SAMD4A: variants seen among roughly 807,000 people sequenced by gnomAD.
SAMD4A encodes the protein sterile alpha motif domain containing 4A.
SAMD4A carries 33 observed loss-of-function variants against 81.3 expected under a neutral mutation model. The ratio of observed to expected loss-of-function variants is 0.41; its 90% CI spans 0.31 to 0.54. The LOEUF is 0.54. Among genes scored for constraint, SAMD4A ranks in the 20% least tolerant of loss-of-function variants. The pLI is 0.37. For synonymous variants in SAMD4A, 389 were observed against 382.1 expected (o/e 1.02, Z -0.21); for missense variants, 854 against 951.1 (o/e 0.90, Z 1.34).
At chr14:54,574,760 A>G (rs747421675) in intron 2 of SAMD4A, among the ~76,000 whole-genome samples, 1 of 152,214 alleles carries the variant, frequency 6.6e-6, no homozygotes, top group African/African-American at 2.4e-5. Context: ...GCGTTGAGCA[A>G]TAACATCTGA....
Position 54,607,496 on chromosome 14 carries a change from C to T in SAMD4A, c.196+39384C>T, listed in dbSNP as rs552992557. Among the ~76,000 whole-genome samples the T allele has an allele frequency of 1.8e-4, 27 of 150,712 alleles. 1 individual carries two copies. In the South Asian group the frequency reaches 5.5e-3, roughly 30 times the overall value. On this transcript the variant is annotated intron_variant, in intron 2 of 12. Transcript: ENST00000554335. ...TTTTAGACGGAGTCTTGCTCTGTCG[C>T]CCAGGCTGGAGTGCAGTGGCACGAT...
At chr14:54,584,965 A>G (rs1316769984) in intron 2 of SAMD4A, among the ~76,000 whole-genome samples, 1 of 152,220 alleles carries the variant, frequency 6.6e-6, no homozygotes, top group Non-Finnish European at 1.5e-5. Context: ...TTAAAAAAGA[A>G]AAAGTTACAT....
At chr14:54,640,336 T>C (rs1291597496) in intron 2 of SAMD4A, among the ~76,000 whole-genome samples, 1 of 152,196 alleles carries the variant, frequency 6.6e-6, no homozygotes, top group Non-Finnish European at 1.5e-5. Flanking sequence ...CTCTAAAATC[T>C]CTTATCTGTG....
At chr14:54,669,242 G>A (rs2035820962) in intron 2 of SAMD4A, among the ~76,000 whole-genome samples, 1 of 152,004 alleles carries the variant, frequency 6.6e-6, no homozygotes, top group Non-Finnish European at 1.5e-5. Context: ...TGGTTCACAT[G>A]CCCCAGCCTG....
intron 2 of SAMD4A, among the ~76,000 whole-genome samples, chr14:54,623,340 A>G (rs1594746056): frequency 6.6e-6 from 1 of 152,082 alleles, no homozygotes; most frequent in East Asian, 1.9e-4. Context: ...TGAACTTTCC[A>G]AATTGTTTTT....
At chr14:54,728,107 G>A (rs2037471869) in intron 3 of SAMD4A, among the ~76,000 whole-genome samples, 1 of 152,186 alleles carries the variant, frequency 6.6e-6, no homozygotes, top group South Asian at 2.1e-4. Context: ...CGAGCTTGCT[G>A]TGTCTCTGGA....
chr14:54,759,341 G>A (rs1025500798), intron 6 of SAMD4A, among the ~76,000 whole-genome samples: 64 of 152,176 alleles, frequency 4.2e-4, no homozygotes, highest in African/African-American at 1.5e-3. Context: ...TCCATCGCAG[G>A]CCTCCTTGCT....
In SAMD4A at chr14:54,724,016, G is replaced by GGAAGGAAGAAGGAAGGAA. The variant is rs778898142; in HGVS notation, c.716-13000_716-12999insAAGGAAGGAAGAAGGAAG. On this transcript the variant is annotated intron_variant, in intron 3 of 12. Coordinates refer to ENST00000554335, the MANE Select transcript of SAMD4A (RefSeq NM_015589.6). ...TGGATGGATGGATGGATGGAAGGAA[G>GGAAGGAAGAAGGAAGGAA]GAAGGAAGGAAGGAAGGAAGGAAGG... Among the ~76,000 whole-genome samples, 22 of 145,766 alleles carry GGAAGGAAGAAGGAAGGAA rather than the reference G, an allele frequency of 1.5e-4. No homozygotes were observed. The East Asian group carries it at 3.0e-3, about 20-fold the overall frequency.
chr14:54,682,922 A>G (rs1412407154), intron 2 of SAMD4A, among the ~76,000 whole-genome samples: 1 of 152,098 alleles, frequency 6.6e-6, no homozygotes, highest in Non-Finnish European at 1.5e-5. Context: ...TGAATAACCA[A>G]CCCTGTGTTC....
chr14:54,646,391 C>T (rs1312223367), intron 2 of SAMD4A, among the ~76,000 whole-genome samples: 1 of 152,228 alleles, frequency 6.6e-6, no homozygotes, highest in Admixed American at 6.5e-5. Context: ...ACCAGAACAT[C>T]TGTAGGAATT....
At position 54,619,513 on chromosome 14, in the gene SAMD4A, C is replaced by T. The variant is rs1024266276; in HGVS notation, c.196+51401C>T. On this transcript the variant is annotated intron_variant, in intron 2 of 12. Coordinates refer to ENST00000554335, the MANE Select transcript of SAMD4A (RefSeq NM_015589.6). ...AATTGGGGAGGGGACTGTGCCTTGG[C>T]TAGGGATAACCTTTTTTGTTTTAAT... Among the ~76,000 whole-genome samples, 3 of 152,262 alleles carry T rather than the reference C, an allele frequency of 2.0e-5. No individual in the cohort carries two copies. The East Asian group carries it at 5.8e-4, about 29-fold the overall frequency.
At chr14:54,623,691 C>A (rs922694658) in intron 2 of SAMD4A, among the ~76,000 whole-genome samples, 1 of 152,034 alleles carries the variant, frequency 6.6e-6, no homozygotes, top group Non-Finnish European at 1.5e-5. Context: ...GATAGGTATC[C>A]ATGTAGAAAT....
At position 54,603,569 on chromosome 14, in the gene SAMD4A, A is replaced by T. The variant is rs77326217; in HGVS notation, c.196+35457A>T. 3.5e-3 allele frequency among the ~76,000 whole-genome samples: 527 copies of T among 152,116 alleles called. 3 individuals carry two copies. The highest frequency in any genetic ancestry group is 0.012 in the African/African-American group (491 of 41,508). The stretch of plus-strand genomic sequence containing the variant: ...GTTAGCCTGTGAAATTGATTTTTTT[A>T]AATGGTTGTACAGGCATTTGGCCTA... On this transcript the variant is annotated intron_variant, in intron 2 of 12. Coordinates refer to ENST00000554335, the MANE Select transcript of SAMD4A (RefSeq NM_015589.6).
chr14:54,610,681 G>C (rs1452878525), intron 2 of SAMD4A, among the ~76,000 whole-genome samples: 1 of 152,176 alleles, frequency 6.6e-6, no homozygotes, highest in Non-Finnish European at 1.5e-5. Context: ...AGTCCGTGCT[G>C]AGTTTTTTAA....
intron 2 of SAMD4A, among the ~76,000 whole-genome samples, chr14:54,684,619 C>T (rs927385): frequency 0.01 from 1,425 of 136,302 alleles, 34 homozygotes; most frequent in African/African-American, 0.037. Flanking sequence ...CCCGCCCCCC[C>T]CCCCAACCAG....
At chr14:54,768,468 C>T (rs2038614812) in intron 8 of SAMD4A, among the ~76,000 whole-genome samples, 1 of 152,166 alleles carries the variant, frequency 6.6e-6, no homozygotes, top group African/African-American at 2.4e-5. Flanking sequence ...TGCAGGGATT[C>T]GAGCCCTGCC....
chr14:54,698,216 C>T (rs762757531), intron 2 of SAMD4A, among the ~76,000 whole-genome samples: 2 of 152,152 alleles, frequency 1.3e-5, no homozygotes, highest in South Asian at 4.1e-4. Flanking sequence ...ACTTCTGTTG[C>T]TCACCAACTG....
chr14:54,706,173 C>A (rs990231933), intron 3 of SAMD4A, among the ~76,000 whole-genome samples: 1 of 151,588 alleles, frequency 6.6e-6, no homozygotes, highest in African/African-American at 2.4e-5. Flanking sequence ...CATAGCTAGA[C>A]CCCATCTCTT....
chr14:54,766,291 G>A (rs1566628254), intron 8 of SAMD4A, among the ~76,000 whole-genome samples: 2 of 152,154 alleles, frequency 1.3e-5, no homozygotes, highest in African/African-American at 4.8e-5. Context: ...AGTGAAGAAT[G>A]TTACAACTCG....
Sources: allele counts gnomAD v4.1 joint callset (sites outside exome capture counted in the v4.1 genomes callset), GRCh38; gene constraint gnomAD v4.1.1; transcripts MANE v1.5; gene names NCBI Gene and HGNC (gene_info 2026-07-23, HGNC 2026-07-21).